The following ATF1 variants were observed in gnomAD, a reference collection of about 807,000 sequenced individuals.
The protein encoded by ATF1 is activating transcription factor 1.
In ATF1, 16 loss-of-function variants were observed where a neutral mutation model predicts 34.7. That is an observed-to-expected ratio of 0.46 (90% CI 0.31 to 0.70). The LOEUF (loss-of-function observed/expected upper bound fraction) is 0.70. Among genes scored for constraint, ATF1 ranks in the 30% least tolerant of loss-of-function variants. ATF1 has a pLI of 0.05. For missense variants in ATF1, 255 were observed against 321.6 expected, an observed-to-expected ratio of 0.79 and a Z score of 1.58; for synonymous variants, 105 against 113.1, an observed-to-expected ratio of 0.93 and a Z score of 0.46.
intron 2 of ATF1, among the ~76,000 whole-genome samples, chr12:50,784,027 G>A (rs1429117984): frequency 3.3e-5 from 5 of 152,014 alleles, no homozygotes; most frequent in Middle Eastern, 3.2e-3. Flanking sequence ...GCCAGGTGTG[G>A]TGGCGTTTGT....
chr12:50,807,774 T>G (rs912218024), intron 3 of ATF1, among the ~76,000 whole-genome samples: 7 of 151,630 alleles, frequency 4.6e-5, no homozygotes, highest in African/African-American at 1.7e-4. Flanking sequence ...TATTGCCTAC[T>G]CTTTCCTCTA....
intron 1 of ATF1, among the ~76,000 whole-genome samples, chr12:50,777,233 A>G (rs954131801): frequency 2.6e-5 from 4 of 152,234 alleles, no homozygotes; most frequent in African/African-American, 9.6e-5. Flanking sequence ...AAATATGAGG[A>G]TACAAAGTAG....
chr12:50,769,935 A>G (rs762704802), intron 1 of ATF1, among the ~76,000 whole-genome samples: 20 of 152,244 alleles, frequency 1.3e-4, no homozygotes, highest in Non-Finnish European at 2.4e-4. Flanking sequence ...CATGAATATC[A>G]AATGAAACAT....
chr12:50,812,927 GA>G (rs1000269354), intron 4 of ATF1, among the ~76,000 whole-genome samples: 5 of 151,680 alleles, frequency 3.3e-5, no homozygotes, highest in Non-Finnish European at 2.9e-5. Flanking sequence ...ATGAATGCGT[GA>G]AAAAAAATAT....
intron 2 of ATF1, among the ~76,000 whole-genome samples, chr12:50,787,269 T>C (rs1401247580): frequency 6.6e-6 from 1 of 152,052 alleles, no homozygotes; most frequent in Non-Finnish European, 1.5e-5. Context: ...ACCAAAACAA[T>C]AAACAGAACC....
intron 3 of ATF1, among the ~76,000 whole-genome samples, chr12:50,805,239 A>C (rs1229625950): frequency 1.3e-5 from 2 of 151,970 alleles, no homozygotes; most frequent in Non-Finnish European, 2.9e-5. Context: ...CTCTGTGATC[A>C]TACTGGAATT....
chr12:50,781,841 G>A (rs1941069259), intron 2 of ATF1, among the ~76,000 whole-genome samples: 1 of 150,426 alleles, frequency 6.6e-6, no homozygotes, highest in Admixed American at 6.7e-5. Context: ...TTTGAGCCCA[G>A]GAGTTCAAGG....
At chr12:50,809,418 A>G in intron 3 of ATF1, 38 bp from the exon 4 acceptor site, 1 of 1,476,956 alleles carries the variant, frequency 6.8e-7, no homozygotes. Flanking sequence ...AGTCATTCAC[A>G]TTACCAATGT....
At chr12:50,816,111 G>T (rs1245626887) in intron 6 of ATF1, among the ~76,000 whole-genome samples, 2 of 152,114 alleles carry the variant, frequency 1.3e-5, no homozygotes, top group African/African-American at 2.4e-5. Context: ...GAGGCGGGAG[G>T]ATCACTTGAG....
intron 1 of ATF1, among the ~76,000 whole-genome samples, chr12:50,771,047 C>G (rs1408057484): frequency 6.6e-6 from 1 of 151,898 alleles, no homozygotes; most frequent in Non-Finnish European, 1.5e-5. Flanking sequence ...GTTCTGTCGC[C>G]CAGGCTGGAC....
intron 2 of ATF1, among the ~76,000 whole-genome samples, chr12:50,789,199 C>T (rs752864440): frequency 8.6e-5 from 13 of 151,878 alleles, no homozygotes; most frequent in Non-Finnish European, 1.2e-4. Context: ...GTTTGGGTAG[C>T]TGGGACTACA....
intron 4 of ATF1, among the ~76,000 whole-genome samples, chr12:50,810,295 G>A (rs1941709019): frequency 7.0e-6 from 1 of 143,644 alleles, no homozygotes; most frequent in Admixed American, 7.3e-5. Flanking sequence ...TCGGCTCACT[G>A]CAACTTCCAC....
intron 4 of ATF1, among the ~76,000 whole-genome samples, chr12:50,811,485 C>T (rs996309597): frequency 6.6e-6 from 1 of 151,620 alleles, no homozygotes; most frequent in Non-Finnish European, 1.5e-5. Context: ...ATATAGAATA[C>T]CTCTTGAGAA....
Position 50,819,940 on chromosome 12 carries a change from G to A in ATF1, c.*161G>A. ...ACGATATCTAGTGACAGAGGAGAAA[G>A]TGGAAAATGACCTCAAGGAAGCTAC... On this transcript the variant is annotated 3_prime_UTR_variant, in exon 7 of 7. Transcript: ENST00000262053. 1.7e-6 allele frequency: 1 copy of A among 589,152 alleles called. No individual in the cohort carries two copies. Among genetic ancestry groups the A allele is most frequent in the Non-Finnish European group, 2.8e-6 (1 of 362,754 alleles). The allele number at this position is 589,152 out of a possible 1,614,324, so 36.5% of individuals were successfully genotyped here. A position where few individuals can be genotyped will look rare whatever the true frequency, so the allele number is the denominator to read the frequency against.
chr12:50,818,390 C>T (rs900258805), intron 6 of ATF1, among the ~76,000 whole-genome samples: 1 of 152,008 alleles, frequency 6.6e-6, no homozygotes, highest in African/African-American at 2.4e-5. Flanking sequence ...GCCTGGTTGA[C>T]AGAGTGAGAC....
intron 3 of ATF1, among the ~76,000 whole-genome samples, chr12:50,803,966 C>T (rs1207534799): frequency 6.6e-6 from 1 of 152,152 alleles, no homozygotes; most frequent in East Asian, 1.9e-4. Flanking sequence ...AATGGATTGA[C>T]TGCTAATGGG....
intron 3 of ATF1, among the ~76,000 whole-genome samples, chr12:50,798,103 C>T (rs187003466): frequency 2.6e-5 from 4 of 151,012 alleles, no homozygotes; most frequent in South Asian, 4.2e-4. Context: ...GAGCTGAGAT[C>T]GTGCCACTGC....
intron 3 of ATF1, among the ~76,000 whole-genome samples, chr12:50,801,169 G>A (rs1247966953): frequency 1.3e-5 from 2 of 152,230 alleles, no homozygotes; most frequent in African/African-American, 4.8e-5. Context: ...GTGTGCAGAG[G>A]TAATATATAA....
chr12:50,815,518 T>C (rs1430831602), intron 6 of ATF1, among the ~76,000 whole-genome samples: 2 of 151,912 alleles, frequency 1.3e-5, no homozygotes, highest in African/African-American at 4.8e-5. Context: ...CCCAAGTAGC[T>C]GAGACTACAG....
Sources: gnomAD v4.1 joint callset for allele counts (sites outside exome capture counted in the v4.1 genomes callset) on GRCh38, gnomAD v4.1.1 for gene constraint, MANE v1.5 for transcripts, NCBI Gene and HGNC (gene_info 2026-07-23, HGNC 2026-07-21) for gene names.